Variants in GFRA2 observed in about 807,000 individuals in gnomAD.
The protein encoded by GFRA2 is GDNF family receptor alpha-2.
GFRA2 carries 17 observed loss-of-function variants against 48.3 expected under a neutral mutation model. The observed-to-expected ratio is 0.35, with a 90% CI of 0.24 to 0.53. The LOEUF (loss-of-function observed/expected upper bound fraction) is 0.53, where lower values mean the gene tolerates loss of function less well. GFRA2 is among the 20% of genes least tolerant of loss of function. GFRA2 has a pLI of 0.93. For synonymous variants in GFRA2, 305 were observed against 257.2 expected, an observed-to-expected ratio of 1.19 and a Z score of -1.78; for missense variants, 660 against 637.3, an observed-to-expected ratio of 1.04 and a Z score of -0.38.
At position 21,704,253 on chromosome 8, in the gene GFRA2, C is replaced by T. The variant is rs143171006; in HGVS notation, c.1045+732G>A. On this transcript the variant is annotated intron_variant, in intron 6 of 8. Coordinates refer to ENST00000524240, the MANE Select transcript of GFRA2 (RefSeq NM_001495.5). The stretch of plus-strand genomic sequence containing the variant: ...ATCCACAGATACATTCTCCAAGAAG[C>T]CTTCAGGGCCTCCCTCTTCCTGGCT... Among the ~76,000 whole-genome samples, 202 of 152,320 alleles carry T rather than the reference C, an allele frequency of 1.3e-3. 1 individual carries two copies. Among genetic ancestry groups the T allele is most frequent in the African/African-American group, 4.6e-3 (191 of 41,576 alleles).
intron 7 of GFRA2, among the ~76,000 whole-genome samples, chr8:21,700,684 G>T (rs186337946): frequency 6.6e-6 from 1 of 152,134 alleles, no homozygotes; most frequent in African/African-American, 2.4e-5. Context: ...AGATACCCAC[G>T]TAGGGACCCA....
intron 3 of GFRA2, among the ~76,000 whole-genome samples, chr8:21,751,332 AC>A (rs544825619): frequency 2.4e-4 from 37 of 152,304 alleles, no homozygotes; most frequent in African/African-American, 7.9e-4. Flanking sequence ...GCCCCCGTGC[AC>A]CCACCAGCAG....
intron 3 of GFRA2, among the ~76,000 whole-genome samples, chr8:21,756,916 G>A (rs1227302313): frequency 6.6e-6 from 1 of 152,156 alleles, no homozygotes; most frequent in Non-Finnish European, 1.5e-5. Context: ...GCCAGCCCTG[G>A]TGGGTCTCCC....
chr8:21,709,306 A>G lies in GFRA2; in HGVS notation c.795-3265T>C, dbSNP rs1351764059. On this transcript the variant is annotated intron_variant, in intron 4 of 8. Coordinates refer to ENST00000524240, the MANE Select transcript of GFRA2 (RefSeq NM_001495.5). ...TTCCGTTTCCATATTCTAGCTACAC[A>G]CACATAGCCTGGACCAGGCAACTGA... 3.3e-5 allele frequency among the ~76,000 whole-genome samples: 5 copies of G among 152,282 alleles called. No homozygotes were observed. In the South Asian group the frequency reaches 6.2e-4, roughly 19 times the overall value.
At chr8:21,724,233 G>A (rs1803745493) in intron 4 of GFRA2, among the ~76,000 whole-genome samples, 1 of 152,096 alleles carries the variant, frequency 6.6e-6, no homozygotes, top group South Asian at 2.1e-4. Flanking sequence ...CTTGTGTGGG[G>A]GGCCTGGTGT....
At position 21,750,654 on chromosome 8, in the gene GFRA2, T is replaced by A. The variant is rs763109524; in HGVS notation, c.728A>T (p.Tyr243Phe). The change falls in exon 4 of 9, where the codon TAT becomes TTT. Residue 243 changes from tyrosine to phenylalanine, a missense_variant. Physicochemically the swap from Tyr to Phe is conservative, Grantham distance 22. Coordinates refer to ENST00000524240, the MANE Select transcript of GFRA2 (RefSeq NM_001495.5). The surrounding 1 kb of genome is among the most constrained non-coding windows in gnomAD (Gnocchi z 5.7). Reference protein sequence around the residue: ...RRQTILPSCSYEDKEKPNCLD... With the variant: ...RRQTILPSCSFEDKEKPNCLD... Reference sequence around the variant, plus strand: ...GCAGTTGGGCTTCTCCTTGTCCTCATAGGAGCAGCTGGGCAGGATGGTTTG... The same window carrying A: ...GCAGTTGGGCTTCTCCTTGTCCTCAAAGGAGCAGCTGGGCAGGATGGTTTG... 4.8e-5 allele frequency: 78 copies of A among 1,613,542 alleles called. No homozygotes were observed. The highest frequency in any genetic ancestry group is 6.1e-5 in the Non-Finnish European group (72 of 1,179,722).
At chr8:21,738,390 C>CTCTGCCT (rs543903537) in intron 4 of GFRA2, among the ~76,000 whole-genome samples, 288 of 151,584 alleles carry the variant, frequency 1.9e-3, no homozygotes, top group African/African-American at 6.5e-3. Context: ...GCCCTCTGCC[C>CTCTGCCT]TCTGCCTTGG....
At chr8:21,734,531 A>G (rs1292432368) in intron 4 of GFRA2, among the ~76,000 whole-genome samples, 1 of 150,194 alleles carries the variant, frequency 6.7e-6, no homozygotes, top group African/African-American at 2.4e-5. Flanking sequence ...TGTTCTGGAC[A>G]GATTTGATTC....
chr8:21,700,680 C>A (rs1802429251), intron 7 of GFRA2, among the ~76,000 whole-genome samples: 1 of 152,114 alleles, frequency 6.6e-6, no homozygotes, highest in Non-Finnish European at 1.5e-5. Flanking sequence ...ATACAGATAC[C>A]CACGTAGGGA....
chr8:21,761,345 C>T (rs1290434248), intron 3 of GFRA2, among the ~76,000 whole-genome samples: 1 of 152,238 alleles, frequency 6.6e-6, no homozygotes, highest in East Asian at 1.9e-4. Flanking sequence ...CACATTCTAG[C>T]TCAGGTGAGA....
chr8:21,807,217 A>T (rs1455543828), intron 1 of GFRA2, among the ~76,000 whole-genome samples: 1 of 152,190 alleles, frequency 6.6e-6, no homozygotes, highest in Non-Finnish European at 1.5e-5. Flanking sequence ...GAATGGATTA[A>T]TGTCATTATT....
At chr8:21,744,876 A>G (rs1443859338) in intron 4 of GFRA2, among the ~76,000 whole-genome samples, 2 of 152,184 alleles carry the variant, frequency 1.3e-5, no homozygotes, top group Admixed American at 1.3e-4. Context: ...AAGGTTCCTG[A>G]GATGCAACTT....
rs1050731384 is a variant in GFRA2 at position 21,690,938 on chromosome 8, G to A, written c.*2340C>T. 1 of 152,178 alleles carries A rather than the reference G, an allele frequency of 6.6e-6. No homozygotes were observed. Among genetic ancestry groups the A allele is most frequent in the African/African-American group, 2.4e-5 (1 of 41,428 alleles). 9.4% of individuals were successfully genotyped at this position (152,178 alleles called of 1,614,324 possible). On this transcript the variant is annotated 3_prime_UTR_variant, in exon 9 of 9. Transcript: ENST00000524240. ...TGCAAAGAACACGGATTCCTAAGTG[G>A]ATGCCATGACCACGTCTACCCGCAA...
chr8:21,694,526 GAGA>G lies in GFRA2; in HGVS notation c.1219-12_1219-10del. On this transcript the variant is annotated splice_polypyrimidine_tract_variant and intron_variant, in intron 7 of 8. Coordinates refer to ENST00000524240, the MANE Select transcript of GFRA2 (RefSeq NM_001495.5). ...GCCTTCAGCCCCTGCTCCTGCGAGA[GAGA>G]AGGTGCCAGTCAGGACGAGTCACCA... 1 of 1,608,792 alleles carries G rather than the reference GAGA, an allele frequency of 6.2e-7. No individual in the cohort carries two copies. Among genetic ancestry groups the G allele is most frequent in the East Asian group, 2.2e-5 (1 of 44,718 alleles).
In GFRA2 at chr8:21,752,861, AC is replaced by A. The variant is rs1368233732; in HGVS notation, c.440-1920del. Among the ~76,000 whole-genome samples, 10 of 152,038 alleles carry A rather than the reference AC, an allele frequency of 6.6e-5. No homozygotes were observed. The East Asian group carries it at 1.7e-3, about 27-fold the overall frequency. ...TTGACTCTTATTCATACACTGCCAA[AC>A]CCTGGCAGCTCCACCTTCAAAATAC... On this transcript the variant is annotated intron_variant, in intron 3 of 8. Coordinates refer to ENST00000524240, the MANE Select transcript of GFRA2 (RefSeq NM_001495.5).
chr8:21,796,157 C>A (rs1367607836), intron 2 of GFRA2, among the ~76,000 whole-genome samples: 3 of 152,260 alleles, frequency 2.0e-5, no homozygotes, highest in African/African-American at 7.2e-5. Context: ...CCCAGAGACA[C>A]TGCACTCCCT....
intron 3 of GFRA2, among the ~76,000 whole-genome samples, chr8:21,765,330 C>T (rs1806102405): frequency 6.6e-6 from 1 of 151,884 alleles, no homozygotes; most frequent in African/African-American, 2.4e-5. Flanking sequence ...AGGCTAGTCT[C>T]GAACTCCTGG....
chr8:21,745,055 T>A (rs1804937537), intron 4 of GFRA2, among the ~76,000 whole-genome samples: 1 of 152,222 alleles, frequency 6.6e-6, no homozygotes, highest in Non-Finnish European at 1.5e-5. Flanking sequence ...AACCAAGGCA[T>A]CTTTAAACCC....
upstream of GFRA2, chr8:21,790,168 C>T: frequency 3.4e-6 from 3 of 890,952 alleles, no homozygotes; most frequent in African/African-American, 5.4e-5. Context: ...CGGCTGCGGT[C>T]ACGTTCCGGC....
Sources: allele counts gnomAD v4.1 joint callset (sites outside exome capture counted in the v4.1 genomes callset), GRCh38; gene constraint gnomAD v4.1.1; non-coding constraint Gnocchi (gnomAD v3.1); transcripts MANE v1.5; gene names NCBI Gene and HGNC (gene_info 2026-07-23, HGNC 2026-07-21).